Variants in CWC27 observed in about 807,000 individuals in gnomAD.
CWC27 encodes the protein spliceosome-associated protein CWC27 homolog.
A neutral mutation model predicts 63.6 loss-of-function variants in CWC27; 47 were observed. The observed-to-expected ratio is 0.74, with a 90% CI of 0.58 to 0.94. The LOEUF is 0.94. CWC27 is among the 40% of genes least tolerant of loss of function. The probability of loss-of-function intolerance (pLI) is 0.00; values close to 1 mark genes in which losing one functional copy is unlikely to be tolerated. For synonymous variants in CWC27, 175 were observed against 179.8 expected, an observed-to-expected ratio of 0.97 and a Z score of 0.22; for missense variants, 495 against 554.3, an observed-to-expected ratio of 0.89 and a Z score of 1.07.
At chr5:64,855,195 A>G (rs1746221831) in intron 10 of CWC27, among the ~76,000 whole-genome samples, 1 of 152,160 alleles carries the variant, frequency 6.6e-6, no homozygotes, top group Non-Finnish European at 1.5e-5. Flanking sequence ...TTGTTGTCAT[A>G]TTTGAAAAAA....
At chr5:64,799,487 G>GA (rs11385136) in intron 7 of CWC27, among the ~76,000 whole-genome samples, 54,273 of 150,266 alleles carry the variant, frequency 0.36, 10,408 homozygotes, top group East Asian at 0.5. Flanking sequence ...TTGGGAGGCT[G>GA]AGGCAGGAGG....
chr5:64,929,668 C>T (rs910730962), intron 11 of CWC27, among the ~76,000 whole-genome samples: 1 of 152,030 alleles, frequency 6.6e-6, no homozygotes, highest in African/African-American at 2.4e-5. Flanking sequence ...TATTATTTCA[C>T]ACCCAGTAGG....
At chr5:64,911,023 G>A (rs565593560) in intron 11 of CWC27, among the ~76,000 whole-genome samples, 33 of 152,188 alleles carry the variant, frequency 2.2e-4, no homozygotes, top group Admixed American at 1.2e-3. Flanking sequence ...GAAATCACCC[G>A]TCTTCTGCAT....
At chr5:65,007,891 G>C (rs1173138027) in intron 13 of CWC27, among the ~76,000 whole-genome samples, 1 of 152,130 alleles carries the variant, frequency 6.6e-6, no homozygotes, top group Non-Finnish European at 1.5e-5. Context: ...GCCTCCCAAA[G>C]TGCTGGGATT....
intron 10 of CWC27, among the ~76,000 whole-genome samples, chr5:64,870,021 CCAAAAACACCCTTG>C (rs970605666): frequency 2.6e-5 from 4 of 151,978 alleles, no homozygotes; most frequent in African/African-American, 9.7e-5. Context: ...TATTAATTCC[CCAAAAACACCCTTG>C]TAGTGGCATA....
chr5:64,789,773 G>T (rs1232463254), intron 7 of CWC27, among the ~76,000 whole-genome samples: 2 of 152,138 alleles, frequency 1.3e-5, no homozygotes, highest in African/African-American at 4.8e-5. Flanking sequence ...ACTCCTAAAG[G>T]TTCTGATATG....
intron 2 of CWC27, among the ~76,000 whole-genome samples, chr5:64,776,834 G>A (rs908514347): frequency 1.3e-5 from 2 of 151,984 alleles, no homozygotes; most frequent in Admixed American, 6.6e-5. Context: ...AAGTAAGAGC[G>A]CAGTCTCAGA....
intron 10 of CWC27, among the ~76,000 whole-genome samples, chr5:64,816,256 A>T (rs1745025431): frequency 6.6e-6 from 1 of 152,116 alleles, no homozygotes; most frequent in Non-Finnish European, 1.5e-5. Context: ...TATGCCATTG[A>T]TAGAGGAAAT....
At chr5:64,784,171 C>G (rs1743800876) in intron 4 of CWC27, among the ~76,000 whole-genome samples, 192 bp downstream of exon 4, 1 of 152,114 alleles carries the variant, frequency 6.6e-6, no homozygotes, top group Admixed American at 6.5e-5. Flanking sequence ...CATCTAAGTT[C>G]TTTTTGGATC....
At chr5:65,012,703 A>G (rs1444914381) in intron 13 of CWC27, among the ~76,000 whole-genome samples, 2 of 152,206 alleles carry the variant, frequency 1.3e-5, no homozygotes, top group African/African-American at 4.8e-5. Flanking sequence ...ATTCAGTTCA[A>G]ATAATAGACT....
intron 11 of CWC27, 81 bp from the exon 12 acceptor site, chr5:64,971,622 C>T: frequency 9.0e-7 from 1 of 1,106,550 alleles, no homozygotes; most frequent in South Asian, 2.1e-5. Context: ...ACCTCCTCTT[C>T]AGCAACAGGA....
chr5:64,903,636 A>G (rs975680155), intron 11 of CWC27, among the ~76,000 whole-genome samples: 2 of 152,142 alleles, frequency 1.3e-5, no homozygotes, highest in Non-Finnish European at 2.9e-5. Context: ...GGCCACATGT[A>G]TATCTATGTA....
chr5:64,914,395 T>C (rs911637048), intron 11 of CWC27, among the ~76,000 whole-genome samples: 1 of 152,054 alleles, frequency 6.6e-6, no homozygotes, highest in Non-Finnish European at 1.5e-5. Context: ...AAAGGAAATA[T>C]ACAGCATAGC....
chr5:64,957,536 T>C (rs1004733017), intron 11 of CWC27, among the ~76,000 whole-genome samples: 2 of 152,094 alleles, frequency 1.3e-5, no homozygotes, highest in Admixed American at 6.6e-5. Flanking sequence ...CTACAGCTGA[T>C]AGGTAGAAAG....
intron 11 of CWC27, among the ~76,000 whole-genome samples, chr5:64,942,352 C>A (rs542409635): frequency 1.3e-5 from 2 of 149,414 alleles, no homozygotes; most frequent in Non-Finnish European, 3.0e-5. Context: ...ATCACTTGAA[C>A]CCAGGAGTTC....
At chr5:64,923,784 G>T (rs1347247) in intron 11 of CWC27, among the ~76,000 whole-genome samples, 2 of 150,940 alleles carry the variant, frequency 1.3e-5, no homozygotes, top group East Asian at 3.9e-4. Flanking sequence ...AACATTTTCA[G>T]CTCTCTTTTT....
intron 12 of CWC27, among the ~76,000 whole-genome samples, chr5:64,974,114 T>C (rs1234473970): frequency 2.0e-5 from 3 of 151,506 alleles, no homozygotes; most frequent in Non-Finnish European, 4.4e-5. Context: ...GGTGTGCATC[T>C]GTGGTCCCAG....
chr5:65,001,161 A>G (rs958456735), intron 13 of CWC27, among the ~76,000 whole-genome samples: 1 of 152,072 alleles, frequency 6.6e-6, no homozygotes, highest in African/African-American at 2.4e-5. Flanking sequence ...TGATTTTTGT[A>G]TGTTGGGCTT....
At chr5:65,007,771 G>T (rs1749876979) in intron 13 of CWC27, among the ~76,000 whole-genome samples, 1 of 152,088 alleles carries the variant, frequency 6.6e-6, no homozygotes, top group Admixed American at 6.5e-5. Flanking sequence ...GGGACTACAG[G>T]CGCCAGCCAC....
Sources: allele counts gnomAD v4.1 joint callset (sites outside exome capture counted in the v4.1 genomes callset), GRCh38; gene constraint gnomAD v4.1.1; transcripts MANE v1.5; gene names NCBI Gene and HGNC (gene_info 2026-07-23, HGNC 2026-07-21).